The following MTHFSD variants were observed in gnomAD, a reference collection of about 807,000 sequenced individuals.
MTHFSD encodes the protein methenyltetrahydrofolate synthetase domain containing.
A neutral mutation model predicts 31.1 loss-of-function variants in MTHFSD; 37 were observed. The ratio of observed to expected loss-of-function variants is 1.19; its 90% CI spans 0.91 to 1.56. The LOEUF (loss-of-function observed/expected upper bound fraction) is 1.56, where lower values mean the gene tolerates loss of function less well. Among genes scored for constraint, MTHFSD ranks in the 40% most tolerant of loss-of-function variants. MTHFSD has a pLI of 0.00. For missense variants in MTHFSD, 664 were observed against 510.1 expected (o/e 1.30, Z -2.91); for synonymous variants, 221 against 206.9 (o/e 1.07, Z -0.59).
At position 86,555,146 on chromosome 16, in the gene MTHFSD, C is replaced by G. The variant is rs762846872; in HGVS notation, c.16+23G>C. 313 of 1,534,424 alleles carry G rather than the reference C, an allele frequency of 2.0e-4. 13 individuals carry two copies. The South Asian group carries it at 3.6e-3, about 18-fold the overall frequency. On this transcript the variant is annotated intron_variant, in intron 1 of 7. Transcript: ENST00000360900. ...TGTCCCTCCCCATTCCCAGCCGCCC[C>G]GGAGCCCCGCCAGGCCCCCCACCTG...
At chr16:86,536,890 C>T (rs779580866) in intron 7 of MTHFSD, among the ~76,000 whole-genome samples, 8 of 152,234 alleles carry the variant, frequency 5.3e-5, no homozygotes, top group African/African-American at 9.6e-5. Context: ...CCGCGTGGTT[C>T]CCCTCACGCA....
At chr16:86,547,379 A>G in intron 4 of MTHFSD, 1 of 985,746 alleles carries the variant, frequency 1.0e-6, no homozygotes, top group Non-Finnish European at 1.2e-6. Context: ...TCCAGCAGTA[A>G]CTGATCATTC....
Position 86,541,552 on chromosome 16 carries a change from G to A in MTHFSD, c.681+145C>T, listed in dbSNP as rs532708831. 49 of 1,128,282 alleles carry A rather than the reference G, an allele frequency of 4.3e-5. No individual in the cohort carries two copies. In the African/African-American group the frequency reaches 7.3e-4, roughly 17 times the overall value. 69.9% of individuals were successfully genotyped at this position (1,128,282 alleles called of 1,614,324 possible). Reference sequence around the variant, plus strand: ...CCTGGGCCTGGACATGGTCATTCAGGAGCCAAATTGCTCAAAAGCTCCTTG... The same window carrying A: ...CCTGGGCCTGGACATGGTCATTCAGAAGCCAAATTGCTCAAAAGCTCCTTG... On this transcript the variant is annotated intron_variant, in intron 7 of 7. Transcript: ENST00000360900.
rs892944266 is a variant in MTHFSD at position 86,531,777 on chromosome 16, T to C, written c.*234A>G. ...CGACTCAAGGCCCGAGCCTGCACGA[T>C]TGGGAGGCTGCAGTCTCTGCGCGCT... On this transcript the variant is annotated 3_prime_UTR_variant, in exon 8 of 8. Coordinates refer to ENST00000360900, the MANE Select transcript of MTHFSD (RefSeq NM_001159377.2). This position sits in a 1 kb window ranked among gnomAD's most constrained non-coding sequence, Gnocchi z 5.5. 33 of 363,064 alleles carry C rather than the reference T, an allele frequency of 9.1e-5. No individual in the cohort carries two copies. The highest frequency in any genetic ancestry group is 1.5e-4 in the African/African-American group (7 of 47,640). The allele number at this position is 363,064 out of a possible 1,614,324, so 22.5% of individuals were successfully genotyped here.
At chr16:86,541,291 TAAAAA>T in intron 7 of MTHFSD, 2 of 773,626 alleles carry the variant, frequency 2.6e-6, no homozygotes, top group Non-Finnish European at 1.7e-6. Flanking sequence ...AGATCGTCAG[TAAAAA>T]AAAAAAAAAA....
rs912882315 is a variant in MTHFSD, at chr16:86,546,771, G to A, written c.352-122C>T. ...TTGGACAAAACAGATGCAGGCACAC[G>A]CAACACCGGAGATGTGGCGTTTCAG... On this transcript the variant is annotated intron_variant, in intron 4 of 7. Transcript: ENST00000360900. The A allele has an allele frequency of 2.6e-4, 210 of 792,658 alleles. 1 individual carries two copies. The highest frequency in any genetic ancestry group is 4.0e-4 in the Non-Finnish European group (190 of 477,078). The allele number at this position is 792,658 out of a possible 1,614,324, so 49.1% of individuals were successfully genotyped here.
rs759016521 is a variant in MTHFSD, at chr16:86,555,160, GC to G, written c.16+8del. On this transcript the variant is annotated splice_region_variant and intron_variant, in intron 1 of 7. Coordinates refer to ENST00000360900, the MANE Select transcript of MTHFSD (RefSeq NM_001159377.2). ...CCCAGCCGCCCCGGAGCCCCGCCAG[GC>G]CCCCCACCTGCCCTCGGCTCCATGG... 5 of 1,536,002 alleles carry G rather than the reference GC, an allele frequency of 3.3e-6. No individual in the cohort carries two copies. Among genetic ancestry groups the G allele is most frequent in the Non-Finnish European group, 3.5e-6 (4 of 1,145,836 alleles).
rs1051584232 is a variant in MTHFSD, at chr16:86,542,540, T to G, written c.443-327A>C. On this transcript the variant is annotated intron_variant, in intron 5 of 7. Transcript: ENST00000360900. This position sits in a 1 kb window ranked among gnomAD's most constrained non-coding sequence, Gnocchi z 4.6. ...TAGCAAGACTCATACTTAAAAAGAA[T>G]GAAAAGAGCAGTTCTCAAAAAGACT... 5 of 226,260 alleles carry G rather than the reference T, an allele frequency of 2.2e-5. No individual in the cohort carries two copies. The East Asian group carries it at 5.3e-4, about 24-fold the overall frequency. 14.0% of individuals were successfully genotyped at this position (226,260 alleles called of 1,614,324 possible).
chr16:86,535,321 A>C (rs1194207667), intron 7 of MTHFSD: 1 of 923,624 alleles, frequency 1.1e-6, no homozygotes, highest in African/African-American at 2.7e-5. Context: ...CCTCCTCCTC[A>C]AGCTCTAATG....
chr16:86,549,162 A>G (rs1972767535), intron 3 of MTHFSD, among the ~76,000 whole-genome samples: 1 of 152,244 alleles, frequency 6.6e-6, no homozygotes, highest in African/African-American at 2.4e-5. Context: ...AGGGCTTCTC[A>G]AAGTGAGGGC....
intron 1 of MTHFSD, 134 bp downstream of exon 1, chr16:86,555,035 C>T: frequency 6.8e-7 from 1 of 1,463,130 alleles, no homozygotes; most frequent in Admixed American, 2.4e-5. Context: ...CACAGACCCC[C>T]TCTGACCTCC....
At chr16:86,541,920 C>T in intron 6 of MTHFSD, 98 bp from the exon 7 acceptor site, 1 of 1,528,288 alleles carries the variant, frequency 6.5e-7, no homozygotes, top group Non-Finnish European at 8.9e-7. Flanking sequence ...GCTAGAGAAG[C>T]ACCCCCAAAT....
At chr16:86,551,578 C>T (rs559525655) in intron 3 of MTHFSD, among the ~76,000 whole-genome samples, 1 of 152,316 alleles carries the variant, frequency 6.6e-6, no homozygotes, top group African/African-American at 2.4e-5. Context: ...CTTTCCAGTT[C>T]TTAACCGTGG....
chr16:86,550,385 CT>C (rs1972966029), intron 3 of MTHFSD, among the ~76,000 whole-genome samples: 1 of 152,244 alleles, frequency 6.6e-6, no homozygotes, highest in Non-Finnish European at 1.5e-5. Context: ...GGCTGCACCC[CT>C]CTTCCAGGCC....
chr16:86,544,706 G>A (rs945169658), intron 5 of MTHFSD, among the ~76,000 whole-genome samples: 2 of 152,154 alleles, frequency 1.3e-5, no homozygotes, highest in Non-Finnish European at 2.9e-5. Context: ...CCATTACTGG[G>A]TATATACCCA....
chr16:86,531,760 G>A lies in MTHFSD; in HGVS notation c.*251C>T, dbSNP rs1970011501. The A allele has an allele frequency of 5.7e-6, 2 of 350,716 alleles. No homozygotes were observed. Among genetic ancestry groups the A allele is most frequent in the Non-Finnish European group, 1.0e-5 (2 of 195,650 alleles). The allele number at this position is 350,716 out of a possible 1,614,324, so 21.7% of individuals were successfully genotyped here. On this transcript the variant is annotated 3_prime_UTR_variant, in exon 8 of 8. Coordinates refer to ENST00000360900, the MANE Select transcript of MTHFSD (RefSeq NM_001159377.2). This position sits in a 1 kb window ranked among gnomAD's most constrained non-coding sequence, Gnocchi z 5.5. ...TCCAGAGAAACAGAAACCGACTCAA[G>A]GCCCGAGCCTGCACGATTGGGAGGC...
At position 86,530,591 on chromosome 16, in the gene MTHFSD, A is replaced by G. The variant is rs1178517034; in HGVS notation, c.*1420T>C. The G allele has an allele frequency of 6.6e-6, 1 of 152,006 alleles. No individual in the cohort carries two copies. The highest frequency in any genetic ancestry group is 1.5e-5 in the Non-Finnish European group (1 of 68,024). The allele number at this position is 152,006 out of a possible 1,614,324, so 9.4% of individuals were successfully genotyped here. ...CTCCTGGAGTTGCTATTCTAACGGC[A>G]GCAAATCCACAGGAAAAAGGTAAAC... On this transcript the variant is annotated 3_prime_UTR_variant, in exon 8 of 8. Coordinates refer to ENST00000360900, the MANE Select transcript of MTHFSD (RefSeq NM_001159377.2).
chr16:86,555,231 GT>G lies in MTHFSD; in HGVS notation c.-48del, dbSNP rs767046591. 1.3e-5 allele frequency: 20 copies of G among 1,535,014 alleles called. No individual in the cohort carries two copies. The highest frequency in any genetic ancestry group is 1.7e-5 in the Non-Finnish European group (19 of 1,145,694). ...CGCTTCCCGGCGCAGGTTCTGGCGC[GT>G]AGTGACGTCACCCGCTCCGCGCCTG... On this transcript the variant is annotated 5_prime_UTR_variant, in exon 1 of 8. Coordinates refer to ENST00000360900, the MANE Select transcript of MTHFSD (RefSeq NM_001159377.2).
chr16:86,554,379 G>A (rs561389400), intron 2 of MTHFSD, among the ~76,000 whole-genome samples: 10 of 152,294 alleles, frequency 6.6e-5, no homozygotes, highest in African/African-American at 1.9e-4. Flanking sequence ...AAGTCAGTGA[G>A]ACCAAGAACC....
Sources: gnomAD v4.1 joint callset for allele counts (sites outside exome capture counted in the v4.1 genomes callset) on GRCh38, gnomAD v4.1.1 for gene constraint, Gnocchi (gnomAD v3.1) non-coding constraint, MANE v1.5 for transcripts, NCBI Gene and HGNC (gene_info 2026-07-23, HGNC 2026-07-21) for gene names.